The following DPYD variants were observed in gnomAD, a reference collection of about 807,000 sequenced individuals.
DPYD encodes the protein dihydropyrimidine dehydrogenase [NADP(+)].
In DPYD, 109 loss-of-function variants were observed where a neutral mutation model predicts 116.2. That is an observed-to-expected ratio of 0.94 (90% CI 0.80 to 1.10). The LOEUF (loss-of-function observed/expected upper bound fraction) is 1.10, where lower values mean the gene tolerates loss of function less well. Ranked by LOEUF, DPYD falls within the 50% of genes least tolerant of loss-of-function variation. The pLI, the probability that DPYD is intolerant of heterozygous loss-of-function variation, is 0.00. For missense variants in DPYD, 1,302 were observed against 1,254.5 expected (o/e 1.04, Z -0.57); for synonymous variants, 440 against 432.0 (o/e 1.02, Z -0.23).
intron 3 of DPYD, among the ~76,000 whole-genome samples, chr1:97,759,945 G>T (rs1201653628): frequency 6.6e-6 from 1 of 152,052 alleles, no homozygotes; most frequent in African/African-American, 2.4e-5. Flanking sequence ...AAAAGCATGC[G>T]CAAAAGACTC....
At chr1:97,412,271 T>G (rs908159505) in intron 14 of DPYD, among the ~76,000 whole-genome samples, 5 of 152,210 alleles carry the variant, frequency 3.3e-5, no homozygotes, top group Admixed American at 6.5e-5. Flanking sequence ...CACTGAAGGC[T>G]TGAAAACAAA....
chr1:97,707,488 C>T (rs1402290211), intron 5 of DPYD, among the ~76,000 whole-genome samples: 2 of 138,106 alleles, frequency 1.4e-5, no homozygotes, highest in East Asian at 4.6e-4. Context: ...ATTCCCCTTC[C>T]TGTGTCCATG....
intron 21 of DPYD, among the ~76,000 whole-genome samples, chr1:97,091,311 G>A (rs1649882563): frequency 1.3e-5 from 2 of 152,024 alleles, no homozygotes; most frequent in Non-Finnish European, 2.9e-5. Flanking sequence ...ACAGATGGGT[G>A]GACAGAGAAA....
At chr1:97,115,427 C>A (rs74106682) in intron 20 of DPYD, among the ~76,000 whole-genome samples, 4 of 152,090 alleles carry the variant, frequency 2.6e-5, no homozygotes, top group Non-Finnish European at 5.9e-5. Flanking sequence ...GAAAATCCTA[C>A]GTGGCCATTT....
At chr1:97,512,711 T>C (rs749647619) in intron 13 of DPYD, among the ~76,000 whole-genome samples, 2 of 151,908 alleles carry the variant, frequency 1.3e-5, no homozygotes, top group Non-Finnish European at 2.9e-5. Context: ...TGTTTTGTCA[T>C]GATAATTTAG....
At chr1:97,278,786 ATC>A (rs938398342) in intron 18 of DPYD, among the ~76,000 whole-genome samples, 1 of 152,206 alleles carries the variant, frequency 6.6e-6, no homozygotes, top group Non-Finnish European at 1.5e-5. Context: ...GCAGATAATA[ATC>A]TGTTTTTCTT....
At position 97,176,762 on chromosome 1, in the gene DPYD, G is replaced by A. The variant is rs1657288303; in HGVS notation, c.2622+16307C>T. On this transcript the variant is annotated intron_variant, in intron 20 of 22. Coordinates refer to ENST00000370192, the MANE Select transcript of DPYD (RefSeq NM_000110.4). The stretch of plus-strand genomic sequence containing the variant: ...CTTTGGTGAGAGTACAGATTTGGAA[G>A]ATAACAATAAAGAGAGGAATATTGG... Among the ~76,000 whole-genome samples the A allele has an allele frequency of 2.0e-5, 3 of 152,050 alleles. No homozygotes were observed. In the South Asian group the frequency reaches 6.2e-4, roughly 32 times the overall value.
chr1:97,242,160 A>G (rs1485813941), intron 18 of DPYD, among the ~76,000 whole-genome samples: 1 of 120,762 alleles, frequency 8.3e-6, no homozygotes, highest in Non-Finnish European at 1.7e-5. Flanking sequence ...ATATATATAT[A>G]TATATATATA....
intron 1 of DPYD, among the ~76,000 whole-genome samples, chr1:97,888,292 A>C (rs1672605996): frequency 6.6e-6 from 1 of 152,018 alleles, no homozygotes; most frequent in Admixed American, 6.6e-5. Flanking sequence ...TTAAAGACAG[A>C]TCAAGAGAGA....
chr1:97,836,761 A>C (rs1337244695), intron 2 of DPYD, among the ~76,000 whole-genome samples: 1 of 152,108 alleles, frequency 6.6e-6, no homozygotes. Flanking sequence ...TTAAATGTAC[A>C]TTACAAAGAA....
intron 8 of DPYD, among the ~76,000 whole-genome samples, chr1:97,665,387 T>C (rs1212285897): frequency 1.3e-5 from 2 of 152,200 alleles, no homozygotes; most frequent in African/African-American, 4.8e-5. Flanking sequence ...TATTTTTCAT[T>C]ATCAATCTTT....
chr1:97,768,354 T>C (rs1033628381), intron 3 of DPYD, among the ~76,000 whole-genome samples: 1 of 152,202 alleles, frequency 6.6e-6, no homozygotes, highest in Admixed American at 6.5e-5. Flanking sequence ...GTGTCCTGAA[T>C]GTGCCCTTGC....
intron 3 of DPYD, among the ~76,000 whole-genome samples, chr1:97,820,026 A>T (rs1668837469): frequency 6.6e-6 from 1 of 152,164 alleles, no homozygotes; most frequent in African/African-American, 2.4e-5. Flanking sequence ...AATCTTATTC[A>T]GAGGAACAAA....
intron 4 of DPYD, among the ~76,000 whole-genome samples, chr1:97,739,119 A>T (rs576042651): frequency 6.6e-6 from 1 of 152,154 alleles, no homozygotes; most frequent in African/African-American, 2.4e-5. Flanking sequence ...CAATCTTTGG[A>T]TTCTCCTTTT....
chr1:97,823,670 GC>G (rs1254997065), intron 3 of DPYD, among the ~76,000 whole-genome samples: 1 of 151,750 alleles, frequency 6.6e-6, no homozygotes, highest in Non-Finnish European at 1.5e-5. Context: ...AATGACGGAA[GC>G]TTTTTTTTTT....
intron 19 of DPYD, among the ~76,000 whole-genome samples, chr1:97,207,149 AT>A (rs1557938734): frequency 6.6e-6 from 1 of 152,122 alleles, no homozygotes; most frequent in African/African-American, 2.4e-5. Context: ...CAAAATAAAA[AT>A]ATTGTAATAG....
At chr1:97,509,811 G>A (rs1647639619) in intron 13 of DPYD, among the ~76,000 whole-genome samples, 1 of 151,744 alleles carries the variant, frequency 6.6e-6, no homozygotes, top group Non-Finnish European at 1.5e-5. Flanking sequence ...ATTCTCTCAG[G>A]GCTTCTAACA....
chr1:97,655,288 T>C (rs555117052), intron 8 of DPYD, among the ~76,000 whole-genome samples: 1 of 152,356 alleles, frequency 6.6e-6, no homozygotes, highest in Non-Finnish European at 1.5e-5. Flanking sequence ...GTCATGGATC[T>C]GATTTTTAAA....
intron 20 of DPYD, among the ~76,000 whole-genome samples, chr1:97,101,372 C>T (rs1019586401): frequency 3.4e-5 from 5 of 147,078 alleles, no homozygotes; most frequent in Admixed American, 1.4e-4. Context: ...TAAAGTTTTC[C>T]GAAAACAAAA....
Sources: allele counts gnomAD v4.1 joint callset (sites outside exome capture counted in the v4.1 genomes callset), GRCh38; gene constraint gnomAD v4.1.1; transcripts MANE v1.5; gene names NCBI Gene and HGNC (gene_info 2026-07-23, HGNC 2026-07-21).